The following PPRC1 variants were observed in gnomAD, a reference collection of about 807,000 sequenced individuals.
The protein encoded by PPRC1 is peroxisome proliferator-activated receptor gamma coactivator-related protein 1.
In PPRC1, 23 loss-of-function variants were observed where a neutral mutation model predicts 132.5. The ratio of observed to expected loss-of-function variants is 0.17; its 90% CI spans 0.12 to 0.25. PPRC1 has a LOEUF of 0.25. Among genes scored for constraint, PPRC1 ranks in the 10% least tolerant of loss-of-function variants. The probability of loss-of-function intolerance (pLI) is 1.00; values close to 1 mark genes in which losing one functional copy is unlikely to be tolerated. For synonymous variants in PPRC1, 872 were observed against 833.5 expected (o/e 1.05, Z -0.80); for missense variants, 2,006 against 2,089.1 (o/e 0.96, Z 0.78).
intron 1 of PPRC1, among the ~76,000 whole-genome samples, chr10:102,134,677 T>C (rs2068656623): frequency 6.6e-6 from 1 of 152,018 alleles, no homozygotes; most frequent in Admixed American, 6.6e-5. Context: ...TTCTCAGAGG[T>C]CACATCTTTT....
rs145883331 is a variant in PPRC1, at chr10:102,141,158, G to T, written c.2650G>T (p.Gly884Cys). 9.9e-6 allele frequency: 16 copies of T among 1,613,878 alleles called. No homozygotes were observed. The African/African-American group carries it at 1.7e-4, about 18-fold the overall frequency. The part of the protein sequence containing the change: ...SMSAALPFPA[G>C]GLGMPPSLPP... ...GTCTGCTGCCCTGCCTTTCCCTGCA[G>T]GTGGGCTTGGCATGCCCCCCAGTCT... is the stretch of plus-strand genomic sequence containing the variant. Residue 884 changes from glycine (G) to cysteine (C), a missense_variant, in exon 5 of 14, where the codon GGT (glycine) becomes TGT (cysteine). Physicochemically the swap from Gly to Cys is radical, Grantham distance 159. Coordinates refer to ENST00000278070, the MANE Select transcript of PPRC1 (RefSeq NM_015062.5).
At chr10:102,149,024 G>A (rs2069395395) in intron 12 of PPRC1, 86 bp downstream of exon 12, 2 of 1,563,878 alleles carry the variant, frequency 1.3e-6, no homozygotes, top group South Asian at 1.2e-5. Flanking sequence ...TTGCTCTGGT[G>A]TGCTGAGCAA....
At position 102,148,265 on chromosome 10, in the gene PPRC1, T is replaced by C; in HGVS notation, c.4401-107T>C. On this transcript the variant is annotated intron_variant, in intron 9 of 13. Coordinates refer to ENST00000278070, the MANE Select transcript of PPRC1 (RefSeq NM_015062.5). The surrounding 1 kb of genome is among the most constrained non-coding windows in gnomAD (Gnocchi z 4.2). ...TAGACCTCTTCTACTCTGCTTTGTC[T>C]TTGGTCCTGAGCTTCCTAAAAGAAA... The C allele has an allele frequency of 7.5e-7, 1 of 1,331,194 alleles. No individual in the cohort carries two copies. Among genetic ancestry groups the C allele is most frequent in the South Asian group, 1.4e-5 (1 of 71,550 alleles). 82.5% of individuals were successfully genotyped at this position (1,331,194 alleles called of 1,614,324 possible).
At chr10:102,120,480 G>A in the PPRC1 span, 2 of 776,468 alleles carry the variant, frequency 2.6e-6, no homozygotes, top group Non-Finnish European at 3.1e-6. Flanking sequence ...CGCCGGCGCC[G>A]GCTCCCCAGC....
In PPRC1 at chr10:102,150,004, A is replaced by C; in HGVS notation, c.4970A>C (p.Gln1657Pro). The C allele has an allele frequency of 6.2e-7, 1 of 1,613,260 alleles. No homozygotes were observed. Among genetic ancestry groups the C allele is most frequent in the Non-Finnish European group, 8.5e-7 (1 of 1,179,232 alleles). Residue 1657 changes from glutamine (Q) to proline (P), a missense_variant, in exon 14 of 14, where the codon CAG becomes CCG. By Grantham distance (76) the Gln-to-Pro change is moderately conservative (BLOSUM62 -1). This residue lies in a region of PPRC1 where 92 missense variants were observed against 171.9 expected (regional missense o/e 0.54). Transcript: ENST00000278070. ...CTTGACTTTGACACATTGTTGAAAC[A>C]GGCCCAGAAGAACCTCAGGAGGTAA... ...DSLDFDTLLK[Q>P]AQKNLRR
intron 1 of PPRC1, among the ~76,000 whole-genome samples, chr10:102,136,565 C>A (rs58346762): frequency 0.095 from 14,436 of 152,096 alleles, 994 homozygotes; most frequent in African/African-American, 0.19. Flanking sequence ...AGCCAGAGAG[C>A]CCACATTCGC....
chr10:102,125,373 C>T, the PPRC1 span, among the ~76,000 whole-genome samples: 1 of 151,966 alleles, frequency 6.6e-6, no homozygotes, highest in Non-Finnish European at 1.5e-5. Flanking sequence ...ATTCCCCTGC[C>T]TCAGCCTCCT....
At chr10:102,124,798 G>A in the PPRC1 span, among the ~76,000 whole-genome samples, 1 of 150,534 alleles carries the variant, frequency 6.6e-6, no homozygotes, top group African/African-American at 2.4e-5. Flanking sequence ...ACACACCACT[G>A]TGTCCAACTA....
At position 102,144,296 on chromosome 10, in the gene PPRC1, A is replaced by G. The variant is rs1039923545; in HGVS notation, c.3597A>G (p.Val1199=). The G allele has an allele frequency of 6.2e-7, 1 of 1,614,072 alleles. No homozygotes were observed. Among genetic ancestry groups the G allele is most frequent in the Middle Eastern group, 1.7e-4 (1 of 5,984 alleles). Residue 1199 remains valine, a synonymous_variant, in exon 7 of 14, where the codon GTA becomes GTG. Coordinates refer to ENST00000278070, the MANE Select transcript of PPRC1 (RefSeq NM_015062.5). ...CGGCTCCTGCTGACAGCTTGGCTGT[A>G]GGAAACTCAGGGTAAGTATGGAGAC... ...PPPAPADSLA[V]GNSGGVDIPQ...
At position 102,140,056 on chromosome 10, in the gene PPRC1, G is replaced by A. The variant is rs748716657; in HGVS notation, c.1548G>A (p.Gln516=). Residue 516 remains glutamine (Q), a synonymous_variant, in exon 5 of 14, where the codon CAG becomes CAA. Transcript: ENST00000278070. ...EELQKESGPL[Q]GKGKPRAWAR... ...TTCAAAAAGAGTCTGGGCCTCTCCA[G>A]GGTAAGGGGAAGCCCCGGGCTTGGG... 6.2e-7 allele frequency: 1 copy of A among 1,614,240 alleles called. No individual in the cohort carries two copies. The highest frequency in any genetic ancestry group is 8.5e-7 in the Non-Finnish European group (1 of 1,180,050).
At chr10:102,135,741 T>A (rs1258611241) in intron 1 of PPRC1, among the ~76,000 whole-genome samples, 1 of 152,136 alleles carries the variant, frequency 6.6e-6, no homozygotes, top group South Asian at 2.1e-4. Context: ...TTGAAGGGAT[T>A]TAGGGAGGGT....
At chr10:102,120,345 C>T in the PPRC1 span, 5 of 983,982 alleles carry the variant, frequency 5.1e-6, no homozygotes, top group Non-Finnish European at 6.0e-6. Context: ...TGTGTGCGCG[C>T]GGGTGTGAGT....
At chr10:102,124,754 T>C in the PPRC1 span, among the ~76,000 whole-genome samples, 1 of 151,796 alleles carries the variant, frequency 6.6e-6, no homozygotes, top group Non-Finnish European at 1.5e-5. Flanking sequence ...GCAGTTCTCC[T>C]GCCTCAGCCT....
At chr10:102,120,488 A>C in the PPRC1 span, 1 of 667,508 alleles carries the variant, frequency 1.5e-6, no homozygotes, top group Non-Finnish European at 1.9e-6. Context: ...CCGGCTCCCC[A>C]GCCCAAGCCG....
intron 1 of PPRC1, among the ~76,000 whole-genome samples, chr10:102,135,640 A>G (rs2068695777): frequency 6.6e-6 from 1 of 152,132 alleles, no homozygotes; most frequent in Non-Finnish European, 1.5e-5. Flanking sequence ...CAGCCTCCCA[A>G]AGTGCTGGGA....
rs374891266 is a variant in PPRC1, at chr10:102,147,020, C to T, written c.4028C>T (p.Pro1343Leu). ...PVLSLGPAAPPPPCIAASREP... is the reference protein window; with the variant it reads ...PVLSLGPAAPLPPCIAASREP... ...TTGTCCTTGGGCCCAGCTGCCCCTC[C>T]GCCCCCATGCATAGCTGCCTCCCGG... Residue 1343 changes from proline (P) to leucine (L), a missense_variant, in exon 9 of 14, where the codon CCG (proline) becomes CTG (leucine). Physicochemically the swap from Pro to Leu is moderately conservative, Grantham distance 98 (BLOSUM62 -3). Transcript: ENST00000278070. 49 of 1,614,004 alleles carry T rather than the reference C, an allele frequency of 3.0e-5. No individual in the cohort carries two copies. The highest frequency in any genetic ancestry group is 2.5e-4 in the East Asian group (11 of 44,894).
chr10:102,123,206 A>G, the PPRC1 span, among the ~76,000 whole-genome samples: 1 of 152,250 alleles, frequency 6.6e-6, no homozygotes, highest in Admixed American at 6.5e-5. Context: ...CCAAGGTAAC[A>G]GAGCTAACAA....
upstream of PPRC1, among the ~76,000 whole-genome samples, chr10:102,132,806 C>T (rs1021149642): frequency 1.3e-5 from 2 of 152,242 alleles, no homozygotes; most frequent in African/African-American, 4.8e-5. Flanking sequence ...CTCCCTAAAT[C>T]GGTATCCCAG....
the PPRC1 span, among the ~76,000 whole-genome samples, chr10:102,121,883 G>A: frequency 1.3e-5 from 2 of 152,096 alleles, no homozygotes; most frequent in Non-Finnish European, 2.9e-5. Flanking sequence ...GCTGGGGGAG[G>A]GTTACAAATG....
Sources: gnomAD v4.1 joint callset for allele counts (sites outside exome capture counted in the v4.1 genomes callset) on GRCh38, gnomAD v4.1.1 for gene constraint, gnomAD v4.1.1 regional missense constraint, Gnocchi (gnomAD v3.1) non-coding constraint, MANE v1.5 for transcripts, NCBI Gene and HGNC (gene_info 2026-07-23, HGNC 2026-07-21) for gene names.